GAS7: variants seen among roughly 807,000 people sequenced by gnomAD.
The protein encoded by GAS7 is growth arrest-specific protein 7.
In GAS7, 28 loss-of-function variants were observed where a neutral mutation model predicts 71.1. The observed-to-expected ratio is 0.39, with a 90% confidence interval of 0.29 to 0.54. The LOEUF (loss-of-function observed/expected upper bound fraction) is 0.54. GAS7 is among the 20% of genes least tolerant of loss of function. GAS7 has a pLI of 0.62. For synonymous variants in GAS7, 258 were observed against 245.8 expected (o/e 1.05, Z -0.46); for missense variants, 436 against 627.8 (o/e 0.69, Z 3.27).
At position 9,959,856 on chromosome 17, in the gene GAS7, A is replaced by G. The variant is rs1597550650; in HGVS notation, c.472-601T>C. Among the ~76,000 whole-genome samples, 1 of 152,058 alleles carries G rather than the reference A, an allele frequency of 6.6e-6. No homozygotes were observed. Among genetic ancestry groups the G allele is most frequent in the Admixed American group, 6.6e-5 (1 of 15,256 alleles). On this transcript the variant is annotated intron_variant, in intron 4 of 13. Transcript: ENST00000432992. The surrounding 1 kb of genome is among the most constrained non-coding windows in gnomAD (Gnocchi z 5.0). ...TTTATATTGCCTTTTGATGTCTTCC[A>G]CCGCCAGTAAGAAAACCAGAGTCCC...
At chr17:10,003,929 A>G (rs1356591390) in intron 2 of GAS7, among the ~76,000 whole-genome samples, 1 of 152,142 alleles carries the variant, frequency 6.6e-6, no homozygotes. Flanking sequence ...CAAAAAAGCT[A>G]TTACCCCACT....
chr17:10,064,045 T>C (rs1206931344), intron 1 of GAS7, among the ~76,000 whole-genome samples: 1 of 152,104 alleles, frequency 6.6e-6, no homozygotes, highest in Non-Finnish European at 1.5e-5. Flanking sequence ...CGAACATTAG[T>C]CACACACGTG....
intron 2 of GAS7, among the ~76,000 whole-genome samples, chr17:10,004,335 T>C (rs902901859): frequency 5.9e-5 from 9 of 152,186 alleles, no homozygotes; most frequent in African/African-American, 1.7e-4. Flanking sequence ...CCCACTCACT[T>C]ATTAGAATAT....
intron 5 of GAS7, among the ~76,000 whole-genome samples, chr17:9,952,747 C>G (rs952174159): frequency 6.6e-6 from 1 of 152,134 alleles, no homozygotes; most frequent in Non-Finnish European, 1.5e-5. Context: ...TGCAAAAATG[C>G]TCATCACCGC....
At chr17:10,118,728 C>G (rs2073882561) in intron 1 of GAS7, among the ~76,000 whole-genome samples, 1 of 123,308 alleles carries the variant, frequency 8.1e-6, no homozygotes, top group Admixed American at 8.3e-5. Context: ...AAAAAAAAAG[C>G]CCTTGTGTAT....
intron 1 of GAS7, among the ~76,000 whole-genome samples, chr17:10,145,385 TGGAGGAA>T (rs2074113808): frequency 6.6e-6 from 1 of 152,210 alleles, no homozygotes. Flanking sequence ...AAAAGGTGAC[TGGAGGAA>T]GCTCAGGCAG....
chr17:10,140,610 T>C lies in GAS7; in HGVS notation c.183+57598A>G, dbSNP rs149078289. On this transcript the variant is annotated intron_variant, in intron 1 of 13. Coordinates refer to ENST00000432992, the MANE Select transcript of GAS7 (RefSeq NM_201433.2). ...TATGTGTCTACAACTGCATGTGTGT[T>C]TATGTACATGAATATGCCTACATCT... Among the ~76,000 whole-genome samples the C allele has an allele frequency of 5.3e-5, 8 of 151,072 alleles. No individual in the cohort carries two copies. In the East Asian group the frequency reaches 1.5e-3, roughly 29 times the overall value.
intron 1 of GAS7, among the ~76,000 whole-genome samples, chr17:10,184,564 G>T (rs2074438395): frequency 6.6e-6 from 1 of 152,198 alleles, no homozygotes; most frequent in South Asian, 2.1e-4. Context: ...TACTCAAATT[G>T]TGGCCGGCAG....
chr17:9,982,091 A>C (rs956318900), intron 2 of GAS7, among the ~76,000 whole-genome samples: 2 of 151,982 alleles, frequency 1.3e-5, no homozygotes, highest in African/African-American at 4.8e-5. Flanking sequence ...CCACCATCCC[A>C]TGACCACAGA....
At chr17:10,156,151 A>T (rs2074203404) in intron 1 of GAS7, among the ~76,000 whole-genome samples, 1 of 152,022 alleles carries the variant, frequency 6.6e-6, no homozygotes, top group Non-Finnish European at 1.5e-5. Flanking sequence ...CTCTCTTTCC[A>T]TCACTTTTTT....
Position 10,181,705 on chromosome 17 carries a change from C to G in GAS7, c.183+16503G>C, listed in dbSNP as rs191721621. Among the ~76,000 whole-genome samples, 13 of 152,280 alleles carry G rather than the reference C, an allele frequency of 8.5e-5. No homozygotes were observed. In the East Asian group the frequency reaches 1.7e-3, roughly 20 times the overall value. ...ATGTTAAACAGCAGAGTTCCGTGAT[C>G]AAACTGGCTACAAAAATCACTGCAC... On this transcript the variant is annotated intron_variant, in intron 1 of 13. Transcript: ENST00000432992.
chr17:10,181,443 A>C (rs923426488), intron 1 of GAS7, among the ~76,000 whole-genome samples: 1 of 152,000 alleles, frequency 6.6e-6, no homozygotes, highest in Admixed American at 6.6e-5. Flanking sequence ...GGTAAAGAAG[A>C]GGATGGGGGA....
At chr17:10,080,614 T>C (rs1197239260) in intron 1 of GAS7, among the ~76,000 whole-genome samples, 1 of 152,226 alleles carries the variant, frequency 6.6e-6, no homozygotes, top group African/African-American at 2.4e-5. Flanking sequence ...AAAGAAGATC[T>C]AGATCAATGG....
intron 1 of GAS7, among the ~76,000 whole-genome samples, chr17:10,189,739 G>C (rs1242002239): frequency 6.6e-6 from 1 of 152,160 alleles, no homozygotes; most frequent in African/African-American, 2.4e-5. Flanking sequence ...AGGAGTTGGA[G>C]ACCAGCCTGG....
intron 2 of GAS7, among the ~76,000 whole-genome samples, chr17:10,004,739 C>T (rs899888282): frequency 9.9e-5 from 15 of 152,140 alleles, no homozygotes; most frequent in African/African-American, 2.4e-4. Context: ...AGGCTGGGCA[C>T]GGTGGCTCGT....
chr17:9,941,875 A>T (rs561134048), intron 7 of GAS7, among the ~76,000 whole-genome samples: 9 of 152,170 alleles, frequency 5.9e-5, no homozygotes, highest in African/African-American at 2.2e-4. Context: ...ATCCGATCTC[A>T]TATGAAAATA....
At chr17:10,015,664 G>A (rs186285277) in intron 2 of GAS7, among the ~76,000 whole-genome samples, 482 of 152,276 alleles carry the variant, frequency 3.2e-3, no homozygotes, top group Non-Finnish European at 5.1e-3. Context: ...GATTCCAGAG[G>A]AGAATCAGAA....
At chr17:10,117,513 G>A (rs1429876855) in intron 1 of GAS7, among the ~76,000 whole-genome samples, 1 of 152,144 alleles carries the variant, frequency 6.6e-6, no homozygotes, top group Non-Finnish European at 1.5e-5. Flanking sequence ...GAAACACCAC[G>A]GAAGGCGGAG....
At chr17:10,061,208 T>A (rs1312574390) in intron 1 of GAS7, 1 of 152,272 alleles carries the variant, frequency 6.6e-6, no homozygotes, top group Non-Finnish European at 1.5e-5. Flanking sequence ...AGAACACAAC[T>A]TCCTACTTAC....
Sources: gnomAD v4.1 joint callset for allele counts (sites outside exome capture counted in the v4.1 genomes callset) on GRCh38, gnomAD v4.1.1 for gene constraint, Gnocchi (gnomAD v3.1) non-coding constraint, MANE v1.5 for transcripts, NCBI Gene and HGNC (gene_info 2026-07-23, HGNC 2026-07-21) for gene names.